Variants in CSTF3 observed in about 807,000 individuals in gnomAD.
The protein encoded by CSTF3 is CF-1 77 kDa subunit.
In CSTF3, 29 loss-of-function variants were observed where a neutral mutation model predicts 105.8. That is an observed-to-expected ratio of 0.27 (90% confidence interval 0.20 to 0.37). CSTF3 has a LOEUF of 0.37. Among genes scored for constraint, CSTF3 ranks in the 10% least tolerant of loss-of-function variants. The probability of loss-of-function intolerance (pLI) is 1.00; values close to 1 mark genes in which losing one functional copy is unlikely to be tolerated. For synonymous variants in CSTF3, 252 were observed against 281.9 expected (o/e 0.89, Z 1.06); for missense variants, 357 against 879.3 (o/e 0.41, Z 7.51).
intron 3 of CSTF3, among the ~76,000 whole-genome samples, chr11:33,133,265 A>G (rs1855619334): frequency 6.6e-6 from 1 of 152,226 alleles, no homozygotes; most frequent in Admixed American, 6.5e-5. Context: ...AATATCACTG[A>G]TTCAACCAAG....
intron 1 of CSTF3, among the ~76,000 whole-genome samples, chr11:33,158,279 T>C (rs1849891283): frequency 6.6e-6 from 1 of 152,136 alleles, no homozygotes; most frequent in African/African-American, 2.4e-5. Context: ...GGAAAAGATA[T>C]AAGAACCACC....
chr11:33,085,860 G>C, intron 19 of CSTF3, 35 bp downstream of exon 19: 1 of 1,583,490 alleles, frequency 6.3e-7, no homozygotes, highest in South Asian at 1.1e-5. Flanking sequence ...ATGACCCACA[G>C]AGCCAGTATC....
At chr11:33,087,215 G>A in intron 17 of CSTF3, 74 bp from the exon 18 acceptor site, 1 of 1,493,226 alleles carries the variant, frequency 6.7e-7, no homozygotes, top group African/African-American at 1.4e-5. Context: ...ATAACCTTGA[G>A]GATACAGTGT....
chr11:33,117,126 T>A (rs774128378), intron 3 of CSTF3, among the ~76,000 whole-genome samples: 2 of 152,030 alleles, frequency 1.3e-5, no homozygotes, highest in Non-Finnish European at 2.9e-5. Flanking sequence ...CTTATAAATA[T>A]GTAGGGTATA....
At chr11:33,087,955 C>T (rs7947938) in intron 17 of CSTF3, among the ~76,000 whole-genome samples, 51,295 of 152,094 alleles carry the variant, frequency 0.34, 9,693 homozygotes, top group Middle Eastern at 0.47. Flanking sequence ...AGGAGCTCCT[C>T]TGCTCCAGAC....
At chr11:33,106,648 A>C (rs747734649) in intron 5 of CSTF3, among the ~76,000 whole-genome samples, 2 of 152,140 alleles carry the variant, frequency 1.3e-5, no homozygotes, top group African/African-American at 2.4e-5. Flanking sequence ...CATTCTCTAT[A>C]AACATAAATT....
At chr11:33,134,290 G>A (rs1855630513) in intron 3 of CSTF3, 1 of 152,192 alleles carries the variant, frequency 6.6e-6, no homozygotes, top group African/African-American at 2.4e-5. Context: ...ATACAAAGCA[G>A]ATTAAACCAT....
At chr11:33,160,939 C>T (rs1424291910) in intron 1 of CSTF3, among the ~76,000 whole-genome samples, 1 of 152,152 alleles carries the variant, frequency 6.6e-6, no homozygotes, top group African/African-American at 2.4e-5. Context: ...AAAAGAAACA[C>T]TGTCAAGTTT....
chr11:33,107,519 C>T (rs1346704468), intron 5 of CSTF3, among the ~76,000 whole-genome samples: 1 of 152,088 alleles, frequency 6.6e-6, no homozygotes, highest in Non-Finnish European at 1.5e-5. Context: ...TGTCAGAGAT[C>T]CCTTATATCA....
At position 33,099,757 on chromosome 11, in the gene CSTF3, A is replaced by G. The variant is rs756838638; in HGVS notation, c.827-40T>C. Reference sequence around the variant, plus strand: ...TAACAAACAATATTCAATTAAAATAATTATTATTTGTAAAACTATCAATGT... The same window carrying G: ...TAACAAACAATATTCAATTAAAATAGTTATTATTTGTAAAACTATCAATGT... On this transcript the variant is annotated intron_variant, in intron 10 of 20. Coordinates refer to ENST00000323959, the MANE Select transcript of CSTF3 (RefSeq NM_001326.3). This position sits in a 1 kb window ranked among gnomAD's most constrained non-coding sequence, Gnocchi z 4.1. The G allele has an allele frequency of 7.9e-7, 1 of 1,271,976 alleles. No individual in the cohort carries two copies. The highest frequency in any genetic ancestry group is 1.5e-5 in the African/African-American group (1 of 65,962). The allele number at this position is 1,271,976 out of a possible 1,614,324, so 78.8% of individuals were successfully genotyped here.
intron 3 of CSTF3, 115 bp downstream of exon 3, chr11:33,141,552 G>T: frequency 7.1e-7 from 1 of 1,409,110 alleles, no homozygotes; most frequent in Non-Finnish European, 9.2e-7. Context: ...ACAAAATAAA[G>T]GTAAGACACA....
chr11:33,139,453 A>G (rs1335315778), intron 3 of CSTF3, among the ~76,000 whole-genome samples: 1 of 152,014 alleles, frequency 6.6e-6, no homozygotes, highest in Non-Finnish European at 1.5e-5. Flanking sequence ...GGATTTTTAA[A>G]AAGTATTATA....
chr11:33,141,083 T>A (rs931382302), intron 3 of CSTF3: 2 of 152,056 alleles, frequency 1.3e-5, no homozygotes, highest in African/African-American at 4.8e-5. Context: ...TATCATTGGG[T>A]AAAATTATGA....
chr11:33,138,332 A>T (rs1389109090), intron 3 of CSTF3, among the ~76,000 whole-genome samples: 1 of 151,816 alleles, frequency 6.6e-6, no homozygotes, highest in Non-Finnish European at 1.5e-5. Context: ...CTCATCACCT[A>T]ATTACATGAA....
chr11:33,085,300 A>G lies in CSTF3; in HGVS notation c.1952-11T>C. The G allele has an allele frequency of 1.3e-6, 2 of 1,522,140 alleles. No homozygotes were observed. Among genetic ancestry groups the G allele is most frequent in the Non-Finnish European group, 1.8e-6 (2 of 1,137,740 alleles). 94.3% of individuals were successfully genotyped at this position (1,522,140 alleles called of 1,614,324 possible). On this transcript the variant is annotated splice_polypyrimidine_tract_variant and intron_variant, in intron 20 of 20. Coordinates refer to ENST00000323959, the MANE Select transcript of CSTF3 (RefSeq NM_001326.3). ...CAGCTTCCTCAACAGCTATTAAAACAAAACAACAAAACGTAAAAACATATT... is the reference window on the plus strand; with the variant it reads ...CAGCTTCCTCAACAGCTATTAAAACGAAACAACAAAACGTAAAAACATATT...
At chr11:33,111,238 A>G (rs1855376549) in intron 3 of CSTF3, among the ~76,000 whole-genome samples, 1 of 152,222 alleles carries the variant, frequency 6.6e-6, no homozygotes, top group African/African-American at 2.4e-5. Context: ...AATAAAATAA[A>G]AATAAAAGCA....
At chr11:33,140,970 A>G (rs1855704868) in intron 3 of CSTF3, 2 of 151,952 alleles carry the variant, frequency 1.3e-5, no homozygotes, top group African/African-American at 2.4e-5. Flanking sequence ...AAAAATTAAC[A>G]TTTTCCTCCT....
At chr11:33,159,583 A>G in intron 1 of CSTF3, among the ~76,000 whole-genome samples, 1 of 118,312 alleles carries the variant, frequency 8.5e-6, no homozygotes, top group African/African-American at 3.6e-5. Flanking sequence ...GCGACAGAGC[A>G]AGGCTCCATC....
chr11:33,120,448 C>A (rs1855475137), intron 3 of CSTF3, among the ~76,000 whole-genome samples: 1 of 151,608 alleles, frequency 6.6e-6, no homozygotes, highest in African/African-American at 2.4e-5. Flanking sequence ...CTTTTTGTAA[C>A]AATCTTGACA....
Sources: allele counts gnomAD v4.1 joint callset (sites outside exome capture counted in the v4.1 genomes callset), GRCh38; gene constraint gnomAD v4.1.1; non-coding constraint Gnocchi (gnomAD v3.1); transcripts MANE v1.5; gene names NCBI Gene and HGNC (gene_info 2026-07-23, HGNC 2026-07-21).